GSE1: variants seen among roughly 807,000 people sequenced by gnomAD.
GSE1 encodes genetic suppressor element 1.
A neutral mutation model predicts 112.6 loss-of-function variants in GSE1; 32 were observed. The observed-to-expected ratio is 0.28, with a 90% CI of 0.21 to 0.38. The LOEUF (loss-of-function observed/expected upper bound fraction) is 0.38. GSE1 is among the 10% of genes least tolerant of loss of function. The pLI, the probability that GSE1 is intolerant of heterozygous loss-of-function variation, is 1.00. For missense variants in GSE1, 2,348 were observed against 1,699.2 expected (o/e 1.38, Z -6.71); for synonymous variants, 1,115 against 735.6 (o/e 1.52, Z -8.35).
In GSE1 at chr16:85,311,224, A is replaced by G. The variant is rs1338348254; in HGVS notation, c.2284-46239A>G. 1.3e-5 allele frequency among the ~76,000 whole-genome samples: 2 copies of G among 152,128 alleles called. No individual in the cohort carries two copies. Among genetic ancestry groups the G allele is most frequent in the Non-Finnish European group, 2.9e-5 (2 of 68,010 alleles). ...GCAGAAGAGCTGAGACTTGAATCCC[A>G]TGGCACTGATGTGGGCACAAAGGGG... On this transcript the variant is annotated intron_variant, in intron 1 of 2. Transcript: ENST00000637419. The surrounding 1 kb of genome is among the most constrained non-coding windows in gnomAD (Gnocchi z 4.2).
intron 2 of GSE1, among the ~76,000 whole-genome samples, chr16:85,486,494 G>A (rs1465953025): frequency 6.6e-6 from 1 of 152,250 alleles, no homozygotes; most frequent in Non-Finnish European, 1.5e-5. Flanking sequence ...GTGGCACTAG[G>A]TGGCTCCGTT....
chr16:85,290,905 A>T (rs2045190375), intron 1 of GSE1, among the ~76,000 whole-genome samples: 2 of 152,076 alleles, frequency 1.3e-5, no homozygotes, highest in Non-Finnish European at 2.9e-5. Context: ...CTCCCCTGAG[A>T]GCAAGCAGTT....
chr16:85,401,345 C>G (rs763704184), intron 2 of GSE1, among the ~76,000 whole-genome samples: 1 of 107,552 alleles, frequency 9.3e-6, no homozygotes, highest in Non-Finnish European at 1.7e-5. Context: ...AGGGAGTACC[C>G]GGGCCATCAG....
intron 1 of GSE1, among the ~76,000 whole-genome samples, chr16:85,253,058 G>GCC (rs748803903): frequency 5.9e-4 from 28 of 47,166 alleles, no homozygotes; most frequent in East Asian, 2.7e-3. Context: ...AGGCGCCCCC[G>GCC]CCCCCCCCCC....
At chr16:85,289,210 C>A (rs1369540102) in intron 1 of GSE1, among the ~76,000 whole-genome samples, 2 of 152,166 alleles carry the variant, frequency 1.3e-5, no homozygotes. Context: ...ATGGGAGGGT[C>A]CCTGGAGTCC....
At chr16:85,587,921 G>GC (rs1464125878) in intron 1 of GSE1, among the ~76,000 whole-genome samples, 9 of 152,140 alleles carry the variant, frequency 5.9e-5, no homozygotes, top group Admixed American at 5.9e-4. Context: ...CCTTGCTTCA[G>GC]CCCCTGCCTT....
Position 85,672,415 on chromosome 16 carries a change from G to C in GSE1, c.3530G>C (p.Ser1177Thr), listed in dbSNP as rs759568228. The C allele has an allele frequency of 7.4e-6, 12 of 1,612,114 alleles. No homozygotes were observed. In the Admixed American group the frequency reaches 2.0e-4, roughly 27 times the overall value. ...QLSHSVAELR[S>T]QKQKMVSERE... ...TTTCCCTCTCTCCAGGAGTTGAGGAGCCAGAAACAGAAGATGGTCTCAGAA... is the reference window on the plus strand; with the variant it reads ...TTTCCCTCTCTCCAGGAGTTGAGGACCCAGAAACAGAAGATGGTCTCAGAA... The change falls in exon 16 of 16, where the codon AGC (serine) becomes ACC (threonine). Residue 1177 changes from serine to threonine, a missense_variant. By Grantham distance (58) the Ser-to-Thr change is moderately conservative. Coordinates refer to ENST00000253458, the MANE Select transcript of GSE1 (RefSeq NM_014615.5).
Position 85,469,436 on chromosome 16 carries a change from G to A in GSE1, c.2464+111793G>A, listed in dbSNP as rs374860950. 4.5e-4 allele frequency among the ~76,000 whole-genome samples: 69 copies of A among 152,328 alleles called. No homozygotes were observed. In the South Asian group the frequency reaches 6.8e-3, roughly 15 times the overall value. On this transcript the variant is annotated intron_variant, in intron 2 of 2. Transcript: ENST00000637419. ...TGGAAGGGGCAGGAAGGACCCTCCT[G>A]AAGAGCTTCTTGTGGGAGCGGGGTT...
chr16:85,344,646 C>G (rs1305438785), intron 1 of GSE1, among the ~76,000 whole-genome samples: 1 of 152,374 alleles, frequency 6.6e-6, no homozygotes, highest in South Asian at 2.1e-4. Flanking sequence ...CCCCAGGAGG[C>G]TGGCACTGTC....
intron 1 of GSE1, among the ~76,000 whole-genome samples, chr16:85,252,376 C>G (rs1482199010): frequency 6.6e-6 from 1 of 152,224 alleles, no homozygotes; most frequent in African/African-American, 2.4e-5. Context: ...TTCCTCCCTC[C>G]CCTTGTTGCT....
intron 12 of GSE1, 144 bp from the exon 13 acceptor site, chr16:85,665,832 C>T (rs775039401): frequency 5.7e-6 from 4 of 706,646 alleles, no homozygotes; most frequent in East Asian, 2.6e-5. Context: ...ATGTGCGCGG[C>T]GGTTACTTAA....
At chr16:85,591,099 G>A (rs2046985030) in intron 1 of GSE1, among the ~76,000 whole-genome samples, 1 of 152,206 alleles carries the variant, frequency 6.6e-6, no homozygotes, top group Admixed American at 6.5e-5. Context: ...TAGGGCAGAG[G>A]CCATCGGGAC....
At chr16:85,507,941 G>A (rs1047240727) in intron 2 of GSE1, among the ~76,000 whole-genome samples, 7 of 152,136 alleles carry the variant, frequency 4.6e-5, no homozygotes, top group Non-Finnish European at 7.3e-5. Flanking sequence ...ACCATGTAAT[G>A]GGCCCCTGCA....
intron 2 of GSE1, among the ~76,000 whole-genome samples, chr16:85,509,179 C>T (rs1200198250): frequency 6.6e-6 from 1 of 152,166 alleles, no homozygotes; most frequent in African/African-American, 2.4e-5. Context: ...GGCCTGCCCA[C>T]CTGATGGGCG....
intron 2 of GSE1, among the ~76,000 whole-genome samples, chr16:85,509,791 G>C (rs769078165): frequency 6.6e-6 from 1 of 152,202 alleles, no homozygotes; most frequent in South Asian, 2.1e-4. Flanking sequence ...ATGTGTGTGT[G>C]TGAGTCCCTT....
chr16:85,494,059 G>T (rs2051094590), intron 2 of GSE1, among the ~76,000 whole-genome samples: 1 of 152,246 alleles, frequency 6.6e-6, no homozygotes, highest in Non-Finnish European at 1.5e-5. Flanking sequence ...GGGCGATAAA[G>T]TAAGACTCTG....
intron 1 of GSE1, among the ~76,000 whole-genome samples, chr16:85,246,310 TACACACACAC>T (rs779606538): frequency 1.8e-4 from 4 of 21,698 alleles, no homozygotes; most frequent in Non-Finnish European, 3.4e-4. Flanking sequence ...ACACGCTGTC[TACACACACAC>T]ACACACACAC....
At chr16:85,383,186 G>A (rs1455672804) in intron 2 of GSE1, among the ~76,000 whole-genome samples, 1 of 151,448 alleles carries the variant, frequency 6.6e-6, no homozygotes, top group African/African-American at 2.4e-5. Context: ...GTGCACATTT[G>A]CACACACACA....
chr16:85,178,539 T>A (rs2074515392), intron 1 of GSE1, among the ~76,000 whole-genome samples: 1 of 152,014 alleles, frequency 6.6e-6, no homozygotes, highest in Non-Finnish European at 1.5e-5. Context: ...CCATGGTATT[T>A]TAAAGCTTCT....
Sources: allele counts gnomAD v4.1 joint callset (sites outside exome capture counted in the v4.1 genomes callset), GRCh38; gene constraint gnomAD v4.1.1; non-coding constraint Gnocchi (gnomAD v3.1); transcripts MANE v1.5; gene names NCBI Gene and HGNC (gene_info 2026-07-23, HGNC 2026-07-21).